Variants in GSG1L2 observed in about 807,000 individuals in gnomAD.
GSG1L2 encodes germ cell-specific gene 1-like protein 2.
A neutral mutation model predicts 9.0 loss-of-function variants in GSG1L2; 15 were observed. The observed-to-expected ratio is 1.67, with a 90% CI of 1.12 to 2.57. The LOEUF (loss-of-function observed/expected upper bound fraction) is 2.57. Among genes scored for constraint, GSG1L2 ranks in the 30% most tolerant of loss-of-function variants. The pLI is 0.00. For synonymous variants in GSG1L2, 127 were observed against 57.9 expected, an observed-to-expected ratio of 2.19 and a Z score of -5.41; for missense variants, 286 against 150.3, an observed-to-expected ratio of 1.90 and a Z score of -4.72.
Position 9,810,664 on chromosome 17 carries a change from A to C in GSG1L2, c.311-46T>G, listed in dbSNP as rs2066535652. ...ATCCAGAAGTGGGTTACACTTCACAACCAGGGGGCAAATGGTGAATTTCTA... is the reference window on the plus strand; with the variant it reads ...ATCCAGAAGTGGGTTACACTTCACACCCAGGGGGCAAATGGTGAATTTCTA... On this transcript the variant is annotated intron_variant, in intron 1 of 4. Coordinates refer to ENST00000399363, the MANE Select transcript of GSG1L2 (RefSeq NM_001310219.2). The C allele has an allele frequency of 4.3e-6, 3 of 702,588 alleles. No homozygotes were observed. The Admixed American group carries it at 6.0e-5, about 14-fold the overall frequency. 43.5% of individuals were successfully genotyped at this position (702,588 alleles called of 1,614,324 possible).
At chr17:9,814,387 G>A (rs549558234) in intron 1 of GSG1L2, among the ~76,000 whole-genome samples, 17 of 152,120 alleles carry the variant, frequency 1.1e-4, no homozygotes, top group East Asian at 9.6e-4. Context: ...TTTCTGAATC[G>A]CTTCTTGTCT....
chr17:9,809,260 G>GT (rs1320623368), intron 2 of GSG1L2: 1 of 430,066 alleles, frequency 2.3e-6, no homozygotes, highest in African/African-American at 2.0e-5. Flanking sequence ...AGTGGTGCTG[G>GT]GGGTCTCCAT....
In GSG1L2 at chr17:9,801,253, G is replaced by A. The variant is rs1167827677; in HGVS notation, c.*1133C>T. On this transcript the variant is annotated 3_prime_UTR_variant, in exon 5 of 5. Transcript: ENST00000399363. ...GACAGGGTCTCACTCTATTGCCCAG[G>A]CTGGAGTGCAATGGCGCGATCTCTG... Among the ~76,000 whole-genome samples the A allele has an allele frequency of 6.6e-6, 1 of 151,936 alleles. No individual in the cohort carries two copies. The highest frequency in any genetic ancestry group is 2.4e-5 in the African/African-American group (1 of 41,356).
chr17:9,802,892 C>T (rs747417218), intron 4 of GSG1L2, among the ~76,000 whole-genome samples: 5 of 152,114 alleles, frequency 3.3e-5, no homozygotes, highest in Non-Finnish European at 7.4e-5. Flanking sequence ...AACCATGTGA[C>T]CTTGAGCTGG....
intron 4 of GSG1L2, among the ~76,000 whole-genome samples, chr17:9,807,013 G>A (rs2066518585): frequency 6.6e-6 from 1 of 152,216 alleles, no homozygotes; most frequent in African/African-American, 2.4e-5. Flanking sequence ...CTATTTTTAA[G>A]ATACGATATG....
intron 2 of GSG1L2, chr17:9,810,259 A>T (rs144632904): frequency 9.1e-6 from 4 of 439,520 alleles, no homozygotes; most frequent in Middle Eastern, 6.4e-4. Context: ...CTCTGTGTTC[A>T]TCTTGCAACT....
chr17:9,817,446 T>G (rs2066572207), intron 1 of GSG1L2, among the ~76,000 whole-genome samples: 1 of 146,394 alleles, frequency 6.8e-6, no homozygotes, highest in Admixed American at 6.9e-5. Context: ...TTTTTTTTCC[T>G]CGAAGTCTCA....
chr17:9,817,541 C>T (rs1180812365), intron 1 of GSG1L2, among the ~76,000 whole-genome samples: 2 of 151,918 alleles, frequency 1.3e-5, no homozygotes, highest in Middle Eastern at 3.2e-3. Flanking sequence ...TCTGCTGCCT[C>T]AGCCTCCTGA....
At chr17:9,807,429 T>TA (rs2066519966) in intron 4 of GSG1L2, 61 bp downstream of exon 4, 1 of 700,146 alleles carries the variant, frequency 1.4e-6, no homozygotes. Context: ...AAAACATGTG[T>TA]ATGTTTATGT....
chr17:9,806,969 T>C (rs2066518392), intron 4 of GSG1L2, among the ~76,000 whole-genome samples: 1 of 152,152 alleles, frequency 6.6e-6, no homozygotes, highest in Non-Finnish European at 1.5e-5. Context: ...CATAAGAGGT[T>C]GTTATATAAG....
At chr17:9,813,660 C>T (rs16958821) in intron 1 of GSG1L2, among the ~76,000 whole-genome samples, 64,379 of 152,040 alleles carry the variant, frequency 0.42, 14,610 homozygotes, top group East Asian at 0.9. Context: ...TCGGAGAACT[C>T]GGGGGCTGAT....
rs1291605496 is a variant in GSG1L2, at chr17:9,813,273, G to T, written c.311-2655C>A. 2.0e-5 allele frequency among the ~76,000 whole-genome samples: 3 copies of T among 152,268 alleles called. No homozygotes were observed. The East Asian group carries it at 5.8e-4, about 29-fold the overall frequency. ...GCATCACCCCTCTGCTGAGCTATAGGGAGAAGAGAAACTCAGGTTGGGGTG... is the reference window on the plus strand; with the variant it reads ...GCATCACCCCTCTGCTGAGCTATAGTGAGAAGAGAAACTCAGGTTGGGGTG... On this transcript the variant is annotated intron_variant, in intron 1 of 4. Coordinates refer to ENST00000399363, the MANE Select transcript of GSG1L2 (RefSeq NM_001310219.2).
intron 4 of GSG1L2, among the ~76,000 whole-genome samples, chr17:9,806,161 AT>A (rs1263253703): frequency 2.0e-5 from 3 of 152,034 alleles, no homozygotes; most frequent in Non-Finnish European, 2.9e-5. Flanking sequence ...TAGTGACTTT[AT>A]TTTTCCCCAT....
rs1299677068 is a variant in GSG1L2, at chr17:9,800,935, C to T, written c.*1451G>A. Among the ~76,000 whole-genome samples, 1 of 152,346 alleles carries T rather than the reference C, an allele frequency of 6.6e-6. No individual in the cohort carries two copies. Among genetic ancestry groups the T allele is most frequent in the African/African-American group, 2.4e-5 (1 of 41,582 alleles). ...CAGCAAGAATCCATTGTCTATCTCT[C>T]ATATATGCTTAGCGCAATGAAACAC... On this transcript the variant is annotated 3_prime_UTR_variant, in exon 5 of 5. Coordinates refer to ENST00000399363, the MANE Select transcript of GSG1L2 (RefSeq NM_001310219.2).
chr17:9,816,332 ATCC>A (rs1184318815), intron 1 of GSG1L2, among the ~76,000 whole-genome samples: 18 of 152,042 alleles, frequency 1.2e-4, no homozygotes, highest in Non-Finnish European at 2.1e-4. Flanking sequence ...CCGTGGTGTG[ATCC>A]AGAAAAATGT....
chr17:9,815,482 A>G (rs1312971655), intron 1 of GSG1L2, among the ~76,000 whole-genome samples: 1 of 152,232 alleles, frequency 6.6e-6, no homozygotes, highest in Non-Finnish European at 1.5e-5. Context: ...TATTAAAAAA[A>G]TCTCTTCTAT....
rs1428186962 is a variant in GSG1L2, at chr17:9,801,348, C to T, written c.*1038G>A. ...TCAGCCTCCTGAGTAGCTGGGATTACAGACATGTGCCACCATGCTTGGCTA... is the reference window on the plus strand; with the variant it reads ...TCAGCCTCCTGAGTAGCTGGGATTATAGACATGTGCCACCATGCTTGGCTA... On this transcript the variant is annotated 3_prime_UTR_variant, in exon 5 of 5. Transcript: ENST00000399363. Among the ~76,000 whole-genome samples, 2 of 151,962 alleles carry T rather than the reference C, an allele frequency of 1.3e-5. No individual in the cohort carries two copies. Among genetic ancestry groups the T allele is most frequent in the Non-Finnish European group, 2.9e-5 (2 of 67,996 alleles).
chr17:9,812,647 C>G (rs903391777), intron 1 of GSG1L2, among the ~76,000 whole-genome samples: 1 of 152,024 alleles, frequency 6.6e-6, no homozygotes, highest in Admixed American at 6.6e-5. Context: ...TTTTTTGAGA[C>G]AGGGTCTTGC....
chr17:9,819,602 G>A (rs555160115), intron 1 of GSG1L2, among the ~76,000 whole-genome samples: 1 of 152,104 alleles, frequency 6.6e-6, no homozygotes. Context: ...TCTTGTCTAT[G>A]AGTAAATATC....
Sources: allele counts gnomAD v4.1 joint callset (sites outside exome capture counted in the v4.1 genomes callset), GRCh38; gene constraint gnomAD v4.1.1; transcripts MANE v1.5; gene names NCBI Gene and HGNC (gene_info 2026-07-23, HGNC 2026-07-21).